Variants in KIF18A observed in about 807,000 individuals in gnomAD.
The protein encoded by KIF18A is kinesin family member 18A.
Under a neutral mutation model 103.3 loss-of-function variants are expected in KIF18A, and 67 were observed. The observed-to-expected ratio is 0.65, with a 90% CI of 0.53 to 0.79. The LOEUF (loss-of-function observed/expected upper bound fraction) is 0.79. KIF18A is among the 30% of genes least tolerant of loss of function. The pLI is 0.00. For missense variants in KIF18A, 1,032 were observed against 1,062.5 expected (o/e 0.97, Z 0.40); for synonymous variants, 367 against 355.5 (o/e 1.03, Z -0.36).
intron 15 of KIF18A, among the ~76,000 whole-genome samples, chr11:28,025,119 C>T (rs1043632568): frequency 2.0e-5 from 3 of 151,924 alleles, no homozygotes; most frequent in South Asian, 2.1e-4. Flanking sequence ...TTTTGAACTG[C>T]GGTTGACCAT....
chr11:28,027,896 A>T (rs1165943169), intron 15 of KIF18A, among the ~76,000 whole-genome samples: 1 of 152,016 alleles, frequency 6.6e-6, no homozygotes, highest in Non-Finnish European at 1.5e-5. Flanking sequence ...ACACATCAAA[A>T]CAAGAAAACT....
At chr11:28,095,135 T>G (rs563342145) in intron 2 of KIF18A, among the ~76,000 whole-genome samples, 1 of 152,230 alleles carries the variant, frequency 6.6e-6, no homozygotes, top group Non-Finnish European at 1.5e-5. Flanking sequence ...AAAAAGAAAT[T>G]GGAATACGTT....
rs1850825180 is a variant in KIF18A, at chr11:28,059,113, T to A, written c.1761A>T (p.Leu587Phe). The A allele has an allele frequency of 1.9e-6, 3 of 1,613,938 alleles. No homozygotes were observed. The highest frequency in any genetic ancestry group is 2.5e-6 in the Non-Finnish European group (3 of 1,179,946). The change falls in exon 13 of 17, where the codon TTA becomes TTT. Residue 587 changes from leucine (L) to phenylalanine (F), a missense_variant. Coordinates refer to ENST00000263181, the MANE Select transcript of KIF18A (RefSeq NM_031217.4). Reference sequence around the variant, plus strand: ...CAGCATTTGACAGGCCGGCTTCTTTTAATGTGCAATATTGTTTTCTTAGGG... The same window carrying A: ...CAGCATTTGACAGGCCGGCTTCTTTAAATGTGCAATATTGTTTTCTTAGGG... ...LPTLRKQYCT[L>F]KEAGLSNAAF...
At chr11:28,056,944 A>T in intron 13 of KIF18A, 1 of 386,552 alleles carries the variant, frequency 2.6e-6, no homozygotes. Flanking sequence ...CCAGATCCCA[A>T]GAAAATTCCC....
intron 9 of KIF18A, among the ~76,000 whole-genome samples, chr11:28,079,099 T>C (rs935609954): frequency 1.3e-5 from 2 of 152,080 alleles, no homozygotes; most frequent in Admixed American, 1.3e-4. Flanking sequence ...ACTTATTTCA[T>C]AGCTCAGGCC....
chr11:28,082,859 T>A lies in KIF18A; in HGVS notation c.1259A>T (p.Glu420Val). 1.3e-6 allele frequency: 2 copies of A among 1,558,032 alleles called. No homozygotes were observed. The highest frequency in any genetic ancestry group is 1.8e-6 in the Non-Finnish European group (2 of 1,139,744). ...MISNPQEKEI[E>V]RFQEILNCLF... The stretch of plus-strand genomic sequence containing the variant: ...TAGATCTTAATGTAATGTTTACCTT[T>A]CGATTTCTTTTTCCTGAGGGTTTGA... The change falls in exon 9 of 17, where the codon GAA (glutamate) becomes GTA (valine). Residue 420 changes from glutamate (E) to valine (V), a missense_variant. Coordinates refer to ENST00000263181, the MANE Select transcript of KIF18A (RefSeq NM_031217.4).
At chr11:28,087,205 C>A (rs1851239620) in intron 6 of KIF18A, among the ~76,000 whole-genome samples, 1 of 152,166 alleles carries the variant, frequency 6.6e-6, no homozygotes, top group Admixed American at 6.5e-5. Context: ...TTAGGTATTT[C>A]TCCTAATGCT....
intron 15 of KIF18A, among the ~76,000 whole-genome samples, chr11:28,028,758 T>G (rs1850354735): frequency 6.6e-6 from 1 of 151,680 alleles, no homozygotes; most frequent in Admixed American, 6.6e-5. Flanking sequence ...TTTGAAAAGA[T>G]CAACAAAATT....
intron 11 of KIF18A, among the ~76,000 whole-genome samples, chr11:28,063,214 T>C (rs1850878074): frequency 6.6e-6 from 1 of 152,078 alleles, no homozygotes; most frequent in African/African-American, 2.4e-5. Flanking sequence ...AAGTTGAATA[T>C]ACAGCCTTTA....
intron 10 of KIF18A, among the ~76,000 whole-genome samples, chr11:28,072,766 GAAAAA>G (rs760567082): frequency 8.0e-6 from 1 of 124,706 alleles, no homozygotes; most frequent in Admixed American, 8.1e-5. Flanking sequence ...GATGAAAACA[GAAAAA>G]AAAAAAACAA....
intron 1 of KIF18A, among the ~76,000 whole-genome samples, chr11:28,104,828 T>C (rs1398368656): frequency 6.6e-6 from 1 of 152,178 alleles, no homozygotes; most frequent in East Asian, 1.9e-4. Context: ...TATAGCATGT[T>C]ACCATTTGTA....
chr11:28,062,460 T>C lies in KIF18A; in HGVS notation c.1647A>G (p.Lys549=), dbSNP rs767244054. Residue 549 remains lysine, a synonymous_variant, in exon 12 of 17, where the codon AAA becomes AAG. Transcript: ENST00000263181. ...GATCCATCATATGTCTAATTTGTGC[T>C]TTCAAATCTTTGTTCTGGAGGTGCA... The part of the protein sequence containing the change: ...HHLHLQNKDL[K]AQIRHMMDLA... 1.2e-6 allele frequency: 2 copies of C among 1,611,992 alleles called. No homozygotes were observed. The highest frequency in any genetic ancestry group is 2.2e-5 in the South Asian group (2 of 90,840).
Position 28,082,961 on chromosome 11 carries a change from A to C in KIF18A, c.1157T>G (p.Leu386Trp), listed in dbSNP as rs1851183867. 1 of 1,569,718 alleles carries C rather than the reference A, an allele frequency of 6.4e-7. No individual in the cohort carries two copies. Among genetic ancestry groups the C allele is most frequent in the Non-Finnish European group, 8.7e-7 (1 of 1,152,074 alleles). The change falls in exon 9 of 17, where the codon TTG (leucine) becomes TGG (tryptophan). Residue 386 changes from leucine to tryptophan, a missense_variant. Physicochemically the swap from Leu to Trp is moderately conservative, Grantham distance 61 (BLOSUM62 -2). Transcript: ENST00000263181. ...ATAGGCTTTTAGTTTTTCTTTTAAC[A>C]ATAAAATCTAGTAGAGAGAAATCAC... ...ICNEQKAEIL[L>W]LKEKLKAYEE...
At chr11:28,032,185 A>C (rs892251590) in intron 15 of KIF18A, among the ~76,000 whole-genome samples, 1 of 151,900 alleles carries the variant, frequency 6.6e-6, no homozygotes, top group Non-Finnish European at 1.5e-5. Flanking sequence ...GAGCTCCATA[A>C]TGAAAACTAT....
intron 3 of KIF18A, 42 bp from the exon 4 acceptor site, chr11:28,091,555 A>C (rs753435140): frequency 9.3e-7 from 1 of 1,071,752 alleles, no homozygotes; most frequent in Admixed American, 2.1e-5. Flanking sequence ...TGTAAAAAAA[A>C]AAAATGGTGA....
chr11:28,064,916 T>C (rs1850899447), intron 11 of KIF18A, among the ~76,000 whole-genome samples: 1 of 152,098 alleles, frequency 6.6e-6, no homozygotes, highest in South Asian at 2.1e-4. Flanking sequence ...ATGCTAGGCT[T>C]GGTAAATCAC....
At chr11:28,043,810 TTA>T (rs1197754288) in intron 13 of KIF18A, among the ~76,000 whole-genome samples, 1 of 151,782 alleles carries the variant, frequency 6.6e-6, no homozygotes, top group African/African-American at 2.4e-5. Flanking sequence ...TAACACAGGT[TTA>T]TAGCTCACTG....
chr11:28,058,773 T>C (rs1850818651), intron 13 of KIF18A, among the ~76,000 whole-genome samples, 153 bp downstream of exon 13: 2 of 151,196 alleles, frequency 1.3e-5, no homozygotes, highest in African/African-American at 2.4e-5. Flanking sequence ...CTTTGGAAGA[T>C]ACTGGTTAAT....
rs1192871292 is a variant in KIF18A, at chr11:28,082,929, GTTC to G, written c.1186_1188del (p.Glu396del). 1 of 1,602,908 alleles carries G rather than the reference GTTC, an allele frequency of 6.2e-7. No individual in the cohort carries two copies. Among genetic ancestry groups the G allele is most frequent in the Admixed American group, 1.7e-5 (1 of 59,380 alleles). On this transcript the variant is annotated inframe_deletion, in exon 9 of 17. Coordinates refer to ENST00000263181, the MANE Select transcript of KIF18A (RefSeq NM_031217.4). ...TCATTTTCATTAGTGAAGGCTTTCT[GTTC>G]TTCATAGGCTTTTAGTTTTTCTTTT...
Sources: gnomAD v4.1 joint callset for allele counts (sites outside exome capture counted in the v4.1 genomes callset) on GRCh38, gnomAD v4.1.1 for gene constraint, MANE v1.5 for transcripts, NCBI Gene and HGNC (gene_info 2026-07-23, HGNC 2026-07-21) for gene names.